The following TUBB6 variants were observed in gnomAD, a reference collection of about 807,000 sequenced individuals.
The protein encoded by TUBB6 is tubulin beta-6 chain.
Under a neutral mutation model 32.3 loss-of-function variants are expected in TUBB6, and 18 were observed. The ratio of observed to expected loss-of-function variants is 0.56; its 90% CI spans 0.39 to 0.83. The LOEUF (loss-of-function observed/expected upper bound fraction) is 0.83. Ranked by LOEUF, TUBB6 falls within the 40% of genes least tolerant of loss-of-function variation. TUBB6 has a pLI of 0.00. For synonymous variants in TUBB6, 280 were observed against 265.8 expected, an observed-to-expected ratio of 1.05 and a Z score of -0.52; for missense variants, 480 against 632.0, an observed-to-expected ratio of 0.76 and a Z score of 2.58.
At chr18:12,329,795 A>T, downstream of TUBB6, 1 of 1,598,610 alleles carries the variant, frequency 6.3e-7, no homozygotes, top group African/African-American at 1.3e-5. Context: ...TGAAATATGA[A>T]CAATTTTCAT....
chr18:12,326,130 G>C lies in TUBB6; in HGVS notation c.1341G>C (p.Ter447TyrextTer3), dbSNP rs1344378648. 1.2e-6 allele frequency: 2 copies of C among 1,609,504 alleles called. No homozygotes were observed. The highest frequency in any genetic ancestry group is 1.3e-5 in the African/African-American group (1 of 75,028). ...FEDEEEEIDG* is the reference protein window; with the variant it reads ...FEDEEEEIDGY ...ATGAGGAAGAGGAGATCGATGGATA[G>C]TCGGAATAGAGCCGCCCCAACTCAG... The change falls in exon 4 of 4, where the codon TAG (stop) becomes TAC (tyrosine). Residue 447 changes from the stop codon to tyrosine (Y), a stop_lost. Transcript: ENST00000317702.
rs918289505 is a variant in TUBB6 at position 12,308,363 on chromosome 18, G to C, written c.57+14G>C. ...ATCGGCACCAAGGTGGGCCTGGCGC[G>C]GTGCAGGGCCTCTCCGCGGGTCGGC... On this transcript the variant is annotated intron_variant, in intron 1 of 3. Transcript: ENST00000317702. The C allele has an allele frequency of 1.4e-6, 2 of 1,434,912 alleles. No homozygotes were observed. Among genetic ancestry groups the C allele is most frequent in the Non-Finnish European group, 1.8e-6 (2 of 1,090,230 alleles). 88.9% of individuals were successfully genotyped at this position (1,434,912 alleles called of 1,614,324 possible). A position where few individuals can be genotyped will look rare whatever the true frequency, so the allele number is the denominator to read the frequency against.
rs1315188861 is a variant in TUBB6 at position 12,311,318 on chromosome 18, CCAGGCGCGGTGG to C, written c.277+267_277+278del. Among the ~76,000 whole-genome samples the C allele has an allele frequency of 7.9e-5, 12 of 152,222 alleles. No individual in the cohort carries two copies. The South Asian group carries it at 1.5e-3, about 18-fold the overall frequency. On this transcript the variant is annotated intron_variant, in intron 3 of 3. Coordinates refer to ENST00000317702, the MANE Select transcript of TUBB6 (RefSeq NM_032525.3). ...TCTTGATTAAAAAACAAAAATCAAG[CCAGGCGCGGTGG>C]CTCATGCCTGTAATCCCACCACTTT...
At chr18:12,329,467 A>C, downstream of TUBB6, 1 of 1,317,632 alleles carries the variant, frequency 7.6e-7, no homozygotes, top group Admixed American at 1.7e-5. Context: ...GGCTGGCTAA[A>C]ATCAGCGCAG....
At position 12,317,088 on chromosome 18, in the gene TUBB6, G is replaced by A. The variant is rs189918606; in HGVS notation, c.277+6035G>A. Among the ~76,000 whole-genome samples, 244 of 151,776 alleles carry A rather than the reference G, an allele frequency of 1.6e-3. 2 individuals carry two copies. The highest frequency in any genetic ancestry group is 8.6e-3 in the South Asian group (41 of 4,794). On this transcript the variant is annotated intron_variant, in intron 3 of 3. Coordinates refer to ENST00000317702, the MANE Select transcript of TUBB6 (RefSeq NM_032525.3). Reference sequence around the variant, plus strand: ...GGAGAATCACTGGAACCTGAGAGGCGGAGGTTGCAGTGAGCCGAGATTGAG... The same window carrying A: ...GGAGAATCACTGGAACCTGAGAGGCAGAGGTTGCAGTGAGCCGAGATTGAG...
chr18:12,308,329 G>A lies in TUBB6; in HGVS notation c.37G>A (p.Gly13Arg), dbSNP rs768684951. ...CGTGCACATCCAGGCGGGCCAGTGC[G>A]GGAACCAGATCGGCACCAAGGTGGG... ...EIVHIQAGQC[G>R]NQIGTKFWEV... Residue 13 changes from glycine to arginine, a missense_variant, in exon 1 of 4, where the codon GGG becomes AGG. By Grantham distance (125) the Gly-to-Arg change is moderately radical. Coordinates refer to ENST00000317702, the MANE Select transcript of TUBB6 (RefSeq NM_032525.3). The A allele has an allele frequency of 4.0e-6, 6 of 1,482,212 alleles. No homozygotes were observed. The African/African-American group carries it at 8.8e-5, about 22-fold the overall frequency. The allele number at this position is 1,482,212 out of a possible 1,614,324, so 91.8% of individuals were successfully genotyped here.
intron 3 of TUBB6, among the ~76,000 whole-genome samples, chr18:12,315,025 A>C (rs1906597569): frequency 6.6e-6 from 1 of 152,220 alleles, no homozygotes. Flanking sequence ...TAGAGTTAAA[A>C]AAAAATTCTG....
intron 3 of TUBB6, among the ~76,000 whole-genome samples, chr18:12,315,661 C>CA (rs1906633199): frequency 6.6e-6 from 1 of 152,214 alleles, no homozygotes; most frequent in East Asian, 1.9e-4. Context: ...CGCCAGGACT[C>CA]ACGCATAGAG....
chr18:12,325,676 C>T lies in TUBB6; in HGVS notation c.887C>T (p.Ala296Val). The stretch of plus-strand genomic sequence containing the variant: ...GAGCTCACCCAGCAGATGTTCGACG[C>T]CAGGAACATGATGGCCGCCTGCGAT... ...VPELTQQMFD[A>V]RNMMAACDPR... The change falls in exon 4 of 4, where the codon GCC becomes GTC. Residue 296 changes from alanine (A) to valine (V), a missense_variant. Physicochemically the swap from Ala to Val is moderately conservative, Grantham distance 64. Coordinates refer to ENST00000317702, the MANE Select transcript of TUBB6 (RefSeq NM_032525.3). 1 of 1,614,116 alleles carries T rather than the reference C, an allele frequency of 6.2e-7. No homozygotes were observed. Among genetic ancestry groups the T allele is most frequent in the Non-Finnish European group, 8.5e-7 (1 of 1,180,030 alleles).
intron 3 of TUBB6, among the ~76,000 whole-genome samples, chr18:12,319,507 G>A (rs1906866954): frequency 6.6e-6 from 1 of 152,036 alleles, no homozygotes; most frequent in Non-Finnish European, 1.5e-5. Context: ...ATTTTGTCTG[G>A]GGAAAATGGG....
At chr18:12,308,482 AG>A (rs1428062172) in intron 1 of TUBB6, 133 bp downstream of exon 1, 2 of 797,398 alleles carry the variant, frequency 2.5e-6, no homozygotes, top group Admixed American at 4.3e-5. Flanking sequence ...CGGACCCGCG[AG>A]GGCCGCAGGG....
intron 3 of TUBB6, among the ~76,000 whole-genome samples, chr18:12,315,696 T>C (rs1480310142): frequency 6.6e-6 from 1 of 152,182 alleles, no homozygotes; most frequent in Non-Finnish European, 1.5e-5. Flanking sequence ...GACATTAAAA[T>C]GCAACTCAGC....
At chr18:12,314,375 C>T (rs1906557346) in intron 3 of TUBB6, among the ~76,000 whole-genome samples, 1 of 151,984 alleles carries the variant, frequency 6.6e-6, no homozygotes, top group Non-Finnish European at 1.5e-5. Flanking sequence ...TCTGAGCGAG[C>T]GGACAGCTAA....
chr18:12,315,656 G>A (rs564895698), intron 3 of TUBB6, among the ~76,000 whole-genome samples: 2 of 152,180 alleles, frequency 1.3e-5, no homozygotes, highest in Non-Finnish European at 2.9e-5. Flanking sequence ...TATCACGCCA[G>A]GACTCACGCA....
intron 3 of TUBB6, among the ~76,000 whole-genome samples, chr18:12,316,337 G>A (rs1344347841): frequency 2.0e-5 from 3 of 152,208 alleles, no homozygotes; most frequent in African/African-American, 4.8e-5. Flanking sequence ...ATGGGATCAC[G>A]AAGATTAAGA....
At chr18:12,325,008 A>G (rs766502759) in intron 3 of TUBB6, 59 bp from the exon 4 acceptor site, 19 of 1,524,072 alleles carry the variant, frequency 1.2e-5, no homozygotes, top group East Asian at 4.5e-5. Context: ...TCGGTGACCA[A>G]GCATGGTGAT....
chr18:12,313,383 C>T (rs1325196065), intron 3 of TUBB6, among the ~76,000 whole-genome samples: 1 of 152,180 alleles, frequency 6.6e-6, no homozygotes, highest in Non-Finnish European at 1.5e-5. Context: ...GTAAGGGAGC[C>T]AGACACAAGA....
intron 3 of TUBB6, among the ~76,000 whole-genome samples, chr18:12,313,710 T>C (rs1040554558): frequency 2.0e-5 from 3 of 152,212 alleles, no homozygotes; most frequent in Non-Finnish European, 4.4e-5. Context: ...TTGGTGAAGG[T>C]GTTTGGGAAA....
Position 12,325,904 on chromosome 18 carries a change from C to T in TUBB6, c.1115C>T (p.Thr372Met), listed in dbSNP as rs1192756400. 2.5e-6 allele frequency: 4 copies of T among 1,613,980 alleles called. No homozygotes were observed. Among genetic ancestry groups the T allele is most frequent in the African/African-American group, 2.7e-5 (2 of 74,944 alleles). The stretch of plus-strand genomic sequence containing the variant: ...GCCTCCACCTTCATCGGCAACAGCA[C>T]GGCCATCCAGGAGCTGTTCAAGCGC... The part of the protein sequence containing the change: ...KMASTFIGNS[T>M]AIQELFKRIS... The change falls in exon 4 of 4, where the codon ACG (threonine) becomes ATG (methionine). Residue 372 changes from threonine (T) to methionine (M), a missense_variant. Thr to Met is a moderately conservative substitution (Grantham distance 81, BLOSUM62 -1). Coordinates refer to ENST00000317702, the MANE Select transcript of TUBB6 (RefSeq NM_032525.3).
Sources: allele counts gnomAD v4.1 joint callset (sites outside exome capture counted in the v4.1 genomes callset), GRCh38; gene constraint gnomAD v4.1.1; transcripts MANE v1.5; gene names NCBI Gene and HGNC (gene_info 2026-07-23, HGNC 2026-07-21).